RC3H2: variants seen among roughly 807,000 people sequenced by gnomAD.
RC3H2 encodes roquin-2.
Under a neutral mutation model 133.3 loss-of-function variants are expected in RC3H2, and 31 were observed. That is an observed-to-expected ratio of 0.23 (90% CI 0.17 to 0.31). The LOEUF (loss-of-function observed/expected upper bound fraction) is 0.31. RC3H2 is among the 10% of genes least tolerant of loss of function. The probability of loss-of-function intolerance (pLI) is 1.00; values close to 1 mark genes in which losing one functional copy is unlikely to be tolerated. For missense variants in RC3H2, 1,175 were observed against 1,437.2 expected (o/e 0.82, Z 2.95); for synonymous variants, 517 against 502.2 (o/e 1.03, Z -0.40).
intron 1 of RC3H2, among the ~76,000 whole-genome samples, chr9:122,902,678 C>A (rs930408506): frequency 6.6e-6 from 1 of 151,702 alleles, no homozygotes; most frequent in Non-Finnish European, 1.5e-5. Flanking sequence ...ATGGCAAAAC[C>A]CCATCTCTAC....
At position 122,849,529 on chromosome 9, in the gene RC3H2, T is replaced by A. The variant is rs186355463; in HGVS notation, c.*98A>T. The A allele has an allele frequency of 3.4e-4, 149 of 434,844 alleles. No individual in the cohort carries two copies. Among genetic ancestry groups the A allele is most frequent in the Non-Finnish European group, 4.0e-4 (117 of 292,330 alleles). 26.9% of individuals were successfully genotyped at this position (434,844 alleles called of 1,614,324 possible). A position where few individuals can be genotyped will look rare whatever the true frequency, so the allele number is the denominator to read the frequency against. On this transcript the variant is annotated 3_prime_UTR_variant, in exon 21 of 21. Transcript: ENST00000357244. ...GATGCCCCCAGTAATATCTTTTTTTTAAAAAAAATATACATTATATAATAT... is the reference window on the plus strand; with the variant it reads ...GATGCCCCCAGTAATATCTTTTTTTAAAAAAAAATATACATTATATAATAT...
At chr9:122,883,101 T>C in intron 5 of RC3H2, 103 bp downstream of exon 5, 3 of 1,072,956 alleles carry the variant, frequency 2.8e-6, no homozygotes, top group Middle Eastern at 2.1e-4. Flanking sequence ...TCAACTCTTG[T>C]AAGCATTCTG....
intron 3 of RC3H2, among the ~76,000 whole-genome samples, chr9:122,891,512 C>T (rs1832170380): frequency 1.3e-5 from 2 of 152,184 alleles, no homozygotes; most frequent in Admixed American, 6.5e-5. Context: ...CATCACTTGA[C>T]CAAACTTGCT....
chr9:122,904,967 G>A, intron 1 of RC3H2, 143 bp downstream of exon 1: 1 of 478,320 alleles, frequency 2.1e-6, no homozygotes, highest in Non-Finnish European at 2.7e-6. Flanking sequence ...CGAGTGTCAG[G>A]TGCGGCCCTC....
chr9:122,891,484 CCAAT>C (rs1199614002), intron 3 of RC3H2, among the ~76,000 whole-genome samples: 1 of 152,142 alleles, frequency 6.6e-6, no homozygotes, highest in East Asian at 1.9e-4. Flanking sequence ...GAAACCCACC[CCAAT>C]CAAATTTTTC....
At chr9:122,855,678 G>C in intron 14 of RC3H2, 54 bp downstream of exon 14, 1 of 1,551,054 alleles carries the variant, frequency 6.4e-7, no homozygotes, top group Non-Finnish European at 8.7e-7. Flanking sequence ...TACAACATGA[G>C]TGAACATGCA....
intron 2 of RC3H2, among the ~76,000 whole-genome samples, chr9:122,895,983 TC>T (rs1378403692): frequency 1.3e-5 from 2 of 152,004 alleles, no homozygotes; most frequent in Non-Finnish European, 2.9e-5. Flanking sequence ...TAGCACATGT[TC>T]TTTTTTTTTT....
intron 6 of RC3H2, chr9:122,880,367 C>A: frequency 1.4e-6 from 1 of 728,246 alleles, no homozygotes; most frequent in South Asian, 1.6e-5. Flanking sequence ...AAATTTGAGA[C>A]TTTGTAAGCC....
intron 1 of RC3H2, among the ~76,000 whole-genome samples, chr9:122,904,902 C>T (rs989209444): frequency 3.9e-5 from 6 of 152,140 alleles, no homozygotes; most frequent in Admixed American, 6.5e-5. Context: ...CCGGTCGCTC[C>T]GCATCGAAAA....
intron 9 of RC3H2, 52 bp from the exon 10 acceptor site, chr9:122,865,709 A>G: frequency 6.5e-7 from 1 of 1,532,882 alleles, no homozygotes; most frequent in Non-Finnish European, 8.9e-7. Context: ...AATCTTACTC[A>G]AGACAAAAAA....
At chr9:122,859,164 G>T in intron 11 of RC3H2, 62 bp from the exon 12 acceptor site, 2 of 1,317,030 alleles carry the variant, frequency 1.5e-6, no homozygotes, top group Non-Finnish European at 2.0e-6. Flanking sequence ...TTTTATAATG[G>T]CTTAAATCTA....
intron 20 of RC3H2, 28 bp from the exon 21 acceptor site, chr9:122,849,850 CAA>C (rs3049156): frequency 0.071 from 107,236 of 1,510,074 alleles, 13,469 homozygotes; most frequent in East Asian, 0.64. Flanking sequence ...ACATTAAAAA[CAA>C]ATTAGCTTTA....
intron 14 of RC3H2, 66 bp downstream of exon 14, chr9:122,855,666 T>C (rs1465975009): frequency 3.3e-6 from 5 of 1,521,454 alleles, no homozygotes; most frequent in Non-Finnish European, 3.5e-6. Context: ...AAACATTCAT[T>C]CTACAACATG....
chr9:122,903,094 G>A (rs948329775), intron 1 of RC3H2, among the ~76,000 whole-genome samples: 3 of 147,912 alleles, frequency 2.0e-5, no homozygotes, highest in Admixed American at 2.0e-4. Context: ...ACTGGACAGT[G>A]CAACTCTAGA....
chr9:122,884,222 G>C (rs942642836), intron 4 of RC3H2, among the ~76,000 whole-genome samples: 16 of 152,208 alleles, frequency 1.1e-4, no homozygotes, highest in African/African-American at 3.6e-4. Flanking sequence ...GAACCTGGGA[G>C]GTGGAGCTTG....
rs758300478 is a variant in RC3H2 at position 122,897,457 on chromosome 9, T to C, written c.53A>G (p.Tyr18Cys). 2.5e-6 allele frequency: 4 copies of C among 1,614,196 alleles called. No individual in the cohort carries two copies. The highest frequency in any genetic ancestry group is 2.5e-6 in the Non-Finnish European group (3 of 1,180,028). Residue 18 changes from tyrosine to cysteine, a missense_variant, in exon 2 of 21, where the codon TAT (tyrosine) becomes TGT (cysteine). Coordinates refer to ENST00000357244, the MANE Select transcript of RC3H2 (RefSeq NM_001100588.3). ...WTEFLSCPICYNEFDENVHKP... is the reference protein window; with the variant it reads ...WTEFLSCPICCNEFDENVHKP... Reference sequence around the variant, plus strand: ...GTGCACATTCTCATCAAATTCATTATAGCAGATTGGACAGGACAGAAATTC... The same window carrying C: ...GTGCACATTCTCATCAAATTCATTACAGCAGATTGGACAGGACAGAAATTC...
At chr9:122,878,570 C>G (rs1831447707) in intron 8 of RC3H2, among the ~76,000 whole-genome samples, 1 of 151,648 alleles carries the variant, frequency 6.6e-6, no homozygotes, top group Non-Finnish European at 1.5e-5. Flanking sequence ...GCGCCCAGCC[C>G]CCTGACAGCA....
At chr9:122,902,269 G>A (rs1239224349) in intron 1 of RC3H2, among the ~76,000 whole-genome samples, 1 of 152,074 alleles carries the variant, frequency 6.6e-6, no homozygotes, top group African/African-American at 2.4e-5. Context: ...TATTAGTGAT[G>A]ACGAGAAAAA....
intron 9 of RC3H2, chr9:122,875,292 G>T: frequency 6.4e-7 from 1 of 1,550,580 alleles, no homozygotes; most frequent in Non-Finnish European, 8.7e-7. Flanking sequence ...TGCTTGTAGA[G>T]CTCATTATGT....
Sources: gnomAD v4.1 joint callset for allele counts (sites outside exome capture counted in the v4.1 genomes callset) on GRCh38, gnomAD v4.1.1 for gene constraint, MANE v1.5 for transcripts, NCBI Gene and HGNC (gene_info 2026-07-23, HGNC 2026-07-21) for gene names.